ADGRV1: variants seen among roughly 807,000 people sequenced by gnomAD.
ADGRV1 encodes G-protein coupled receptor 98.
ADGRV1 carries 359 observed loss-of-function variants against 596.2 expected under a neutral mutation model. The observed-to-expected ratio is 0.60, with a 90% confidence interval of 0.55 to 0.66. The LOEUF (loss-of-function observed/expected upper bound fraction) is 0.66, where lower values mean the gene tolerates loss of function less well. Among genes scored for constraint, ADGRV1 ranks in the 30% least tolerant of loss-of-function variants. The probability of loss-of-function intolerance (pLI) is 0.00; values close to 1 mark genes in which losing one functional copy is unlikely to be tolerated. For synonymous variants in ADGRV1, 2,681 were observed against 2,679.2 expected, an observed-to-expected ratio of 1.00 and a Z score of -0.02; for missense variants, 7,274 against 7,575.6, an observed-to-expected ratio of 0.96 and a Z score of 1.48.
intron 83 of ADGRV1, among the ~76,000 whole-genome samples, chr5:90,887,845 C>T (rs570129695): frequency 3.3e-5 from 5 of 152,100 alleles, no homozygotes; most frequent in Non-Finnish European, 5.9e-5. Context: ...GCCAATGCTT[C>T]CTTTAGCTGT....
chr5:91,112,238 G>A (rs560579750), intron 87 of ADGRV1, among the ~76,000 whole-genome samples: 1 of 152,326 alleles, frequency 6.6e-6, no homozygotes, highest in African/African-American at 2.4e-5. Context: ...TGAGGGGCTT[G>A]AACAGACTAT....
chr5:90,882,112 CAG>C (rs1357718735), intron 83 of ADGRV1, among the ~76,000 whole-genome samples: 1 of 152,148 alleles, frequency 6.6e-6, no homozygotes. Flanking sequence ...GATTTCCTCA[CAG>C]ATGTAAAGAG....
At chr5:91,053,076 C>T (rs765866351) in intron 85 of ADGRV1, among the ~76,000 whole-genome samples, 11 of 152,126 alleles carry the variant, frequency 7.2e-5, no homozygotes, top group Admixed American at 2.6e-4. Flanking sequence ...TGGTTCATTC[C>T]TTGTCATTTT....
In ADGRV1 at chr5:90,702,661, T is replaced by A. The variant is rs567530383; in HGVS notation, c.8156-1004T>A. Among the ~76,000 whole-genome samples, 47 of 152,066 alleles carry A rather than the reference T, an allele frequency of 3.1e-4. No individual in the cohort carries two copies. In the South Asian group the frequency reaches 9.3e-3, roughly 30 times the overall value. On this transcript the variant is annotated intron_variant, in intron 34 of 89. Coordinates refer to ENST00000405460, the MANE Select transcript of ADGRV1 (RefSeq NM_032119.4). Reference sequence around the variant, plus strand: ...AGTTTATTGCTTTATTTCTACTTTTTAAAAAATGTTTGAAGATATTACTTA... The same window carrying A: ...AGTTTATTGCTTTATTTCTACTTTTAAAAAAATGTTTGAAGATATTACTTA...
chr5:90,859,226 C>T (rs1432298234), intron 82 of ADGRV1, among the ~76,000 whole-genome samples: 4 of 152,130 alleles, frequency 2.6e-5, no homozygotes, highest in Admixed American at 1.3e-4. Flanking sequence ...ATCCTCCTGC[C>T]TGAATCTCCT....
intron 85 of ADGRV1, among the ~76,000 whole-genome samples, chr5:90,998,794 A>T (rs1169301242): frequency 6.6e-6 from 1 of 152,156 alleles, no homozygotes; most frequent in Non-Finnish European, 1.5e-5. Context: ...AACTCTGGGA[A>T]TTATAAGTTT....
Position 91,033,703 on chromosome 5 carries a change from A to T in ADGRV1, c.18153-38744A>T, listed in dbSNP as rs562493778. On this transcript the variant is annotated intron_variant, in intron 85 of 89. Transcript: ENST00000405460. The stretch of plus-strand genomic sequence containing the variant: ...GACTTCAGTCCTATTACCCAGTGTG[A>T]CATTTTGTTGTGGCTTTATTTTTGG... Among the ~76,000 whole-genome samples the T allele has an allele frequency of 4.5e-4, 69 of 152,274 alleles. 1 individual carries two copies. The South Asian group carries it at 0.014, about 31-fold the overall frequency.
In ADGRV1 at chr5:90,720,165, A is replaced by G. The variant is rs1456907764; in HGVS notation, c.9565A>G (p.Thr3189Ala). 1 of 1,609,786 alleles carries G rather than the reference A, an allele frequency of 6.2e-7. No homozygotes were observed. The highest frequency in any genetic ancestry group is 8.5e-7 in the Non-Finnish European group (1 of 1,178,092). The change falls in exon 44 of 90, where the codon ACA (threonine) becomes GCA (alanine). Residue 3189 changes from threonine to alanine, a missense_variant. Thr to Ala is a moderately conservative substitution (Grantham distance 58). Transcript: ENST00000405460. ...RLGVHVQTLI[T>A]VLQNQAPLGL... ...AGGGGTGCATGTTCAAACCCTGATAACAGTTTTGCAAAACCAGGCCCCTTT... is the reference window on the plus strand; with the variant it reads ...AGGGGTGCATGTTCAAACCCTGATAGCAGTTTTGCAAAACCAGGCCCCTTT...
At position 90,679,546 on chromosome 5, in the gene ADGRV1, A is replaced by G; in HGVS notation, c.5444-3A>G. ...GGTTGTGTCTCTGTGTCTCCTTGTG[A>G]AGTAGCTGAACTCTTTAGGGTTGAT... On this transcript the variant is annotated splice_region_variant and splice_polypyrimidine_tract_variant and intron_variant, in intron 25 of 89. Transcript: ENST00000405460. 2 of 1,610,342 alleles carry G rather than the reference A, an allele frequency of 1.2e-6. No individual in the cohort carries two copies.
At chr5:90,644,591 C>A in intron 14 of ADGRV1, 115 bp from the exon 15 acceptor site, 1 of 753,788 alleles carries the variant, frequency 1.3e-6, no homozygotes, top group Admixed American at 2.7e-5. Flanking sequence ...AAATAGTTGG[C>A]AGTTATTAAA....
intron 87 of ADGRV1, among the ~76,000 whole-genome samples, chr5:91,108,819 A>G (rs1792119140): frequency 6.6e-6 from 1 of 151,390 alleles, no homozygotes; most frequent in Non-Finnish European, 1.5e-5. Context: ...CTGGTCTTGA[A>G]CTCCTGGCCT....
chr5:90,852,732 A>T (rs1431380025), intron 79 of ADGRV1, among the ~76,000 whole-genome samples: 2 of 152,200 alleles, frequency 1.3e-5, no homozygotes, highest in Admixed American at 6.5e-5. Flanking sequence ...TTCAAAACAG[A>T]CTTGTTAAGT....
intron 1 of ADGRV1, among the ~76,000 whole-genome samples, chr5:90,590,749 G>T (rs552895634): frequency 1.9e-4 from 29 of 152,254 alleles, no homozygotes; most frequent in African/African-American, 6.0e-4. Context: ...CATCCAATTT[G>T]AAAGTATAAT....
rs1243364195 is a variant in ADGRV1 at position 90,823,405 on chromosome 5, G to C, written c.16197-20G>C. On this transcript the variant is annotated intron_variant, in intron 75 of 89. Coordinates refer to ENST00000405460, the MANE Select transcript of ADGRV1 (RefSeq NM_032119.4). ...GGATGACACCCTCTGTTAAGGCATTGGTGGGTTTCTTGCTCACAGGGCCTT... is the reference window on the plus strand; with the variant it reads ...GGATGACACCCTCTGTTAAGGCATTCGTGGGTTTCTTGCTCACAGGGCCTT... 5 of 1,611,750 alleles carry C rather than the reference G, an allele frequency of 3.1e-6. No homozygotes were observed. In the African/African-American group the frequency reaches 4.0e-5, roughly 13 times the overall value.
chr5:90,823,655 C>A, intron 76 of ADGRV1, 59 bp downstream of exon 76: 1 of 1,423,244 alleles, frequency 7.0e-7, no homozygotes, highest in Non-Finnish European at 9.8e-7. Flanking sequence ...TAGAATTAAT[C>A]ATTTTAAAAC....
At chr5:90,682,156 G>A (rs750633591) in intron 27 of ADGRV1, among the ~76,000 whole-genome samples, 5 of 152,086 alleles carry the variant, frequency 3.3e-5, no homozygotes, top group African/African-American at 4.8e-5. Context: ...TTTTTCATTC[G>A]TAGTATGTAT....
intron 75 of ADGRV1, among the ~76,000 whole-genome samples, chr5:90,817,684 T>A (rs965947834): frequency 4.1e-4 from 63 of 152,244 alleles, no homozygotes; most frequent in African/African-American, 1.3e-3. Flanking sequence ...CTTTCCCCAT[T>A]GCTTGTTTTT....
chr5:90,985,098 A>G (rs1306017110), intron 84 of ADGRV1, among the ~76,000 whole-genome samples: 1 of 152,258 alleles, frequency 6.6e-6, no homozygotes, highest in African/African-American at 2.4e-5. Context: ...TAAGGCAAAT[A>G]AAAAATACAG....
chr5:90,896,874 T>C (rs1293265537), intron 83 of ADGRV1, among the ~76,000 whole-genome samples: 2 of 152,172 alleles, frequency 1.3e-5, no homozygotes, highest in African/African-American at 2.4e-5. Flanking sequence ...ACAGCATTAA[T>C]TGGGCAAGAA....
Sources: allele counts gnomAD v4.1 joint callset (sites outside exome capture counted in the v4.1 genomes callset), GRCh38; gene constraint gnomAD v4.1.1; transcripts MANE v1.5; gene names NCBI Gene and HGNC (gene_info 2026-07-23, HGNC 2026-07-21).